CSMD1: variants seen among roughly 807,000 people sequenced by gnomAD.
CSMD1 encodes CUB and sushi domain-containing protein 1.
In CSMD1, 213 loss-of-function variants were observed where a neutral mutation model predicts 417.5. The ratio of observed to expected loss-of-function variants is 0.51; its 90% CI spans 0.46 to 0.57. The LOEUF (loss-of-function observed/expected upper bound fraction) is 0.57, where lower values mean the gene tolerates loss of function less well. Ranked by LOEUF, CSMD1 falls within the 20% of genes least tolerant of loss-of-function variation. The probability of loss-of-function intolerance (pLI) is 0.00; values close to 1 mark genes in which losing one functional copy is unlikely to be tolerated. For missense variants in CSMD1, 6,923 were observed against 4,529.7 expected (o/e 1.53, Z -15.17); for synonymous variants, 2,862 against 1,736.8 (o/e 1.65, Z -16.11).
At chr8:4,590,469 T>G (rs796654484) in intron 2 of CSMD1, among the ~76,000 whole-genome samples, 1 of 152,206 alleles carries the variant, frequency 6.6e-6, no homozygotes, top group Admixed American at 6.5e-5. Context: ...TGTTCTGGTA[T>G]GTAGAATGTA....
intron 2 of CSMD1, among the ~76,000 whole-genome samples, chr8:4,486,162 C>CATATATATATATACATACATAT (rs1563223678): frequency 2.1e-5 from 1 of 48,694 alleles, no homozygotes; most frequent in Non-Finnish European, 4.8e-5. Context: ...TATATACATA[C>CATATATATATATACATACATAT]ATATATATAT....
At chr8:4,072,531 C>A (rs1017836031) in intron 3 of CSMD1, among the ~76,000 whole-genome samples, 4 of 152,100 alleles carry the variant, frequency 2.6e-5, no homozygotes, top group African/African-American at 9.7e-5. Flanking sequence ...AAACAGGAAT[C>A]ACATAGTTTT....
intron 3 of CSMD1, among the ~76,000 whole-genome samples, chr8:4,075,675 G>A (rs1049840401): frequency 1.3e-5 from 2 of 152,138 alleles, no homozygotes; most frequent in African/African-American, 4.8e-5. Flanking sequence ...AGACGTTTTG[G>A]AGCACTGGAT....
intron 3 of CSMD1, among the ~76,000 whole-genome samples, chr8:4,292,788 C>T (rs1013191829): frequency 3.9e-5 from 6 of 152,128 alleles, no homozygotes; most frequent in African/African-American, 1.4e-4. Flanking sequence ...TCAGTAGTCC[C>T]AACCATGTAT....
chr8:4,217,057 T>C (rs1409013714), intron 3 of CSMD1, among the ~76,000 whole-genome samples: 1 of 152,194 alleles, frequency 6.6e-6, no homozygotes. Flanking sequence ...TTAAATCAGG[T>C]AGTGTCCTGT....
In CSMD1 at chr8:4,055,571, T is replaced by A. The variant is rs182582989; in HGVS notation, c.416-23472A>T. 2.3e-3 allele frequency among the ~76,000 whole-genome samples: 353 copies of A among 151,674 alleles called. 1 individual carries two copies. Among genetic ancestry groups the A allele is most frequent in the Non-Finnish European group, 4.2e-3 (285 of 67,924 alleles). On this transcript the variant is annotated intron_variant, in intron 3 of 69. Transcript: ENST00000635120. ...ATGAATATCATATAAAGAAGAAGAG[T>A]CAAAATCAGCTAAGATTTAATAACG...
intron 5 of CSMD1, among the ~76,000 whole-genome samples, chr8:3,975,038 A>T (rs1212645185): frequency 1.3e-5 from 2 of 152,198 alleles, no homozygotes; most frequent in African/African-American, 2.4e-5. Flanking sequence ...AAGTATTTTA[A>T]ATCTTATTTG....
chr8:3,206,398 T>G lies in CSMD1; in HGVS notation c.4868-778A>C, dbSNP rs111502393. Among the ~76,000 whole-genome samples, 68 of 107,538 alleles carry G rather than the reference T, an allele frequency of 6.3e-4. 1 individual carries two copies. Among genetic ancestry groups the G allele is most frequent in the South Asian group, 5.3e-3 (16 of 3,014 alleles). 70.5% of individuals were successfully genotyped at this position (107,538 alleles called of 152,430 possible). A position where few individuals can be genotyped will look rare whatever the true frequency, so the allele number is the denominator to read the frequency against. ...ATGTCTGTGTGTGTGTATGTGTGTG[T>G]GGGGGGTTATGTCTGTGTGTGTATG... On this transcript the variant is annotated intron_variant, in intron 30 of 69. Transcript: ENST00000635120.
chr8:4,179,074 C>A (rs1261602693), intron 3 of CSMD1, among the ~76,000 whole-genome samples: 6 of 152,092 alleles, frequency 3.9e-5, no homozygotes, highest in African/African-American at 1.4e-4. Context: ...TTAGAAAAAA[C>A]TACTTTAAAG....
chr8:4,729,456 A>C (rs1809705422), intron 1 of CSMD1, among the ~76,000 whole-genome samples: 1 of 152,200 alleles, frequency 6.6e-6, no homozygotes, highest in Admixed American at 6.5e-5. Context: ...GGAGCAGAGA[A>C]ATGATCAATA....
chr8:4,067,175 G>T (rs1448593203), intron 3 of CSMD1, among the ~76,000 whole-genome samples: 4 of 152,222 alleles, frequency 2.6e-5, no homozygotes, highest in African/African-American at 9.6e-5. Context: ...GATACTGGGT[G>T]AAAGGCTATC....
chr8:4,342,099 T>C (rs1409284198), intron 3 of CSMD1, among the ~76,000 whole-genome samples: 1 of 152,008 alleles, frequency 6.6e-6, no homozygotes. Flanking sequence ...ATCTCTATGT[T>C]TCCATGGTAA....
intron 9 of CSMD1, among the ~76,000 whole-genome samples, chr8:3,575,844 GTT>G (rs67685469): frequency 0.34 from 50,945 of 149,332 alleles, 9,813 homozygotes; most frequent in Middle Eastern, 0.44. Context: ...TATGAAAGGA[GTT>G]TTTTTTTTTT....
chr8:4,150,119 T>C (rs560487878), intron 3 of CSMD1, among the ~76,000 whole-genome samples: 27 of 152,334 alleles, frequency 1.8e-4, no homozygotes, highest in Admixed American at 1.0e-3. Flanking sequence ...ATTTTCCACA[T>C]TGTGTATTTT....
rs1220020914 is a variant in CSMD1 at position 3,138,740 on chromosome 8, A to T, written c.6241+3725T>A. Among the ~76,000 whole-genome samples, 10 of 152,296 alleles carry T rather than the reference A, an allele frequency of 6.6e-5. No individual in the cohort carries two copies. In the South Asian group the frequency reaches 1.9e-3, roughly 28 times the overall value. On this transcript the variant is annotated intron_variant, in intron 41 of 69. Transcript: ENST00000635120. The stretch of plus-strand genomic sequence containing the variant: ...ACTGTGGCTGCTGGAGATATTTCAG[A>T]GGGGCAAGTGAGAATCGAGACAGAG...
rs181456939 is a variant in CSMD1 at position 3,600,282 on chromosome 8, T to G, written c.1098-14022A>C. On this transcript the variant is annotated intron_variant, in intron 8 of 69. Coordinates refer to ENST00000635120, the MANE Select transcript of CSMD1 (RefSeq NM_033225.6). The stretch of plus-strand genomic sequence containing the variant: ...AGCTTAGGTAAAATTCCTCATAAAA[T>G]TTAGAATTTGGTGCCAAAGGGCATT... 2.5e-3 allele frequency among the ~76,000 whole-genome samples: 381 copies of G among 152,294 alleles called. 12 individuals are homozygous for G. Among genetic ancestry groups the G allele is most frequent in the Non-Finnish European group, 3.7e-4 (25 of 68,022 alleles).
intron 25 of CSMD1, 106 bp from the exon 26 acceptor site, chr8:3,284,452 A>C (rs1162429703): frequency 2.6e-6 from 2 of 766,704 alleles, no homozygotes; most frequent in African/African-American, 1.7e-5. Flanking sequence ...ACCCCCACCA[A>C]CATGTGCCTC....
intron 3 of CSMD1, among the ~76,000 whole-genome samples, chr8:4,060,383 C>T (rs1798910438): frequency 6.6e-6 from 1 of 152,190 alleles, no homozygotes; most frequent in Non-Finnish European, 1.5e-5. Context: ...CAAACTGGCA[C>T]AAGACAGGGA....
chr8:3,714,052 A>ATAGATAGATAGT (rs1801680563), intron 6 of CSMD1, among the ~76,000 whole-genome samples: 2 of 151,566 alleles, frequency 1.3e-5, no homozygotes, highest in African/African-American at 4.8e-5. Context: ...AGATAGATAG[A>ATAGATAGATAGT]TAGATAGATG....
Sources: allele counts gnomAD v4.1 joint callset (sites outside exome capture counted in the v4.1 genomes callset), GRCh38; gene constraint gnomAD v4.1.1; transcripts MANE v1.5; gene names NCBI Gene and HGNC (gene_info 2026-07-23, HGNC 2026-07-21).